CCDC50: variants seen among roughly 807,000 people sequenced by gnomAD.
CCDC50 encodes coiled-coil domain containing 50.
Under a neutral mutation model 70.2 loss-of-function variants are expected in CCDC50, and 54 were observed. The observed-to-expected ratio is 0.77, with a 90% confidence interval of 0.62 to 0.96. CCDC50 has a LOEUF of 0.96. CCDC50 is among the 50% of genes least tolerant of loss of function. CCDC50 has a pLI of 0.00. For missense variants in CCDC50, 558 were observed against 578.7 expected (o/e 0.96, Z 0.37); for synonymous variants, 216 against 198.8 (o/e 1.09, Z -0.73).
intron 1 of CCDC50, among the ~76,000 whole-genome samples, chr3:191,334,395 T>G (rs770900550): frequency 4.6e-5 from 7 of 152,164 alleles, no homozygotes; most frequent in African/African-American, 7.2e-5. Context: ...AAATATATAT[T>G]TTTTAAACAG....
At chr3:191,367,918 A>G (rs116555060) in intron 4 of CCDC50, among the ~76,000 whole-genome samples, 1,770 of 152,194 alleles carry the variant, frequency 0.012, 19 homozygotes, top group Middle Eastern at 0.034. Context: ...AGAATAGGCT[A>G]TCTGTCCCGT....
chr3:191,359,151 G>A (rs1712397829), intron 3 of CCDC50, among the ~76,000 whole-genome samples: 1 of 152,150 alleles, frequency 6.6e-6, no homozygotes, highest in Admixed American at 6.5e-5. Context: ...ACAGAGAATT[G>A]AAATGTAAAT....
rs148831721 is a variant in CCDC50 at position 191,335,602 on chromosome 3, A to G, written c.49+5879A>G. Reference sequence around the variant, plus strand: ...AAAACAATCATTATTTCCTTCTGTCATCATTTCGTTAAAAAAGCATACACA... The same window carrying G: ...AAAACAATCATTATTTCCTTCTGTCGTCATTTCGTTAAAAAAGCATACACA... On this transcript the variant is annotated intron_variant, in intron 1 of 11. Transcript: ENST00000392455. 2.6e-3 allele frequency among the ~76,000 whole-genome samples: 401 copies of G among 152,274 alleles called. 2 individuals are homozygous for G. The highest frequency in any genetic ancestry group is 9.3e-3 in the African/African-American group (386 of 41,558).
intron 5 of CCDC50, among the ~76,000 whole-genome samples, chr3:191,371,967 C>T (rs760631043): frequency 6.6e-6 from 1 of 151,994 alleles, no homozygotes; most frequent in African/African-American, 2.4e-5. Context: ...TCACTGTAAA[C>T]GTTATTATTT....
Position 191,369,947 on chromosome 3 carries a change from A to C in CCDC50, c.359A>C (p.Glu120Ala). 1.2e-6 allele frequency: 2 copies of C among 1,613,232 alleles called. No individual in the cohort carries two copies. The highest frequency in any genetic ancestry group is 1.7e-6 in the Non-Finnish European group (2 of 1,179,394). ...EDIARLLQEK[E>A]LQEEKKRKKH... ...ATAGCTCGCCTTTTGCAAGAAAAGG[A>C]GTTACAGGAAGAGAAAAAGAGAAAG... Residue 120 changes from glutamate (E) to alanine (A), a missense_variant, in exon 5 of 12, where the codon GAG becomes GCG. By Grantham distance (107) the Glu-to-Ala change is moderately radical. Transcript: ENST00000392455.
intron 1 of CCDC50, among the ~76,000 whole-genome samples, chr3:191,349,966 A>ACTCC (rs1712049355): frequency 9.5e-6 from 1 of 105,622 alleles, no homozygotes. Flanking sequence ...ATTTAATAAT[A>ACTCC]CCCCCCCCCT....
Position 191,345,227 on chromosome 3 carries a change from C to G in CCDC50, c.50-11861C>G, listed in dbSNP as rs117964725. ...TTGGGTAGCTTCTGTTTTGTTACTC[C>G]CAGCAAAAAAAGGTTTTGGATTCAA... On this transcript the variant is annotated intron_variant, in intron 1 of 11. Transcript: ENST00000392455. Among the ~76,000 whole-genome samples the G allele has an allele frequency of 7.7e-3, 1,175 of 152,106 alleles. 38 individuals are homozygous for G. The highest frequency in any genetic ancestry group is 0.062 in the East Asian group (320 of 5,178).
intron 4 of CCDC50, among the ~76,000 whole-genome samples, chr3:191,367,609 A>G: frequency 6.6e-6 from 1 of 152,126 alleles, no homozygotes; most frequent in Non-Finnish European, 1.5e-5. Flanking sequence ...AATCAATCTT[A>G]AAGCCAAATG....
chr3:191,331,046 C>G (rs1443328473), intron 1 of CCDC50, among the ~76,000 whole-genome samples: 1 of 152,158 alleles, frequency 6.6e-6, no homozygotes, highest in African/African-American at 2.4e-5. Flanking sequence ...ACTAAGGAGG[C>G]TGAGCGATAG....
At position 191,329,612 on chromosome 3, in the gene CCDC50, C is replaced by T. The variant is rs377067940; in HGVS notation, c.-63C>T. The T allele has an allele frequency of 6.4e-7, 1 of 1,553,988 alleles. No individual in the cohort carries two copies. The highest frequency in any genetic ancestry group is 1.4e-5 in the African/African-American group (1 of 72,718). On this transcript the variant is annotated 5_prime_UTR_variant, in exon 1 of 12. Transcript: ENST00000392455. The stretch of plus-strand genomic sequence containing the variant: ...GGCGCTGCTGCTGCGCTCGGGGCCC[C>T]GCTCGGCGCCGGCGGTGACCGGGAA...
intron 11 of CCDC50, 54 bp from the exon 12 acceptor site, chr3:191,391,687 T>G: frequency 2.0e-6 from 3 of 1,532,530 alleles, no homozygotes; most frequent in Non-Finnish European, 2.7e-6. Flanking sequence ...AAAAGCTGTT[T>G]GAGTTTCAAA....
intron 1 of CCDC50, among the ~76,000 whole-genome samples, chr3:191,351,024 G>T (rs900449517): frequency 7.1e-6 from 1 of 140,152 alleles, no homozygotes; most frequent in Non-Finnish European, 1.6e-5. Flanking sequence ...GTTGGGAGGG[G>T]GCACTTCTCT....
intron 4 of CCDC50, 44 bp downstream of exon 4, chr3:191,361,203 GCT>G: frequency 6.9e-7 from 1 of 1,446,314 alleles, no homozygotes; most frequent in Non-Finnish European, 9.7e-7. Flanking sequence ...AGAAAGGGGT[GCT>G]CAGCTTTAGA....
chr3:191,336,865 T>C (rs1303677250), intron 1 of CCDC50, among the ~76,000 whole-genome samples: 1 of 152,228 alleles, frequency 6.6e-6, no homozygotes, highest in Admixed American at 6.5e-5. Flanking sequence ...AGTAATCCTC[T>C]CTAGTAATTC....
rs1302340444 is a variant in CCDC50 at position 191,380,858 on chromosome 3, A to G, written c.1168A>G (p.Lys390Glu). 2 of 1,613,110 alleles carry G rather than the reference A, an allele frequency of 1.2e-6. No individual in the cohort carries two copies. Among genetic ancestry groups the G allele is most frequent in the African/African-American group, 1.3e-5 (1 of 75,006 alleles). ...CGCTCGACTTCTAATGGCTGAAGAAAAGAAAGCTTACAAAAAAGCCAAGGA... is the reference window on the plus strand; with the variant it reads ...CGCTCGACTTCTAATGGCTGAAGAAGAGAAAGCTTACAAAAAAGCCAAGGA... ...EIARLLMAEE[K>E]KAYKKAKERE... is the part of the protein sequence containing the mutation. Residue 390 changes from lysine (K) to glutamate (E), a missense_variant, in exon 9 of 12, where the codon AAG becomes GAG. Physicochemically the swap from Lys to Glu is moderately conservative, Grantham distance 56. Transcript: ENST00000392455.
intron 1 of CCDC50, among the ~76,000 whole-genome samples, chr3:191,337,428 T>A (rs1343333758): frequency 1.3e-5 from 2 of 152,024 alleles, no homozygotes; most frequent in Admixed American, 6.6e-5. Flanking sequence ...GGTGTCTAGC[T>A]CTGACGCCCA....
At position 191,398,199 on chromosome 3, in the gene CCDC50, C is replaced by T. The variant is rs1274932310; in HGVS notation, c.*6439C>T. 1 of 152,146 alleles carries T rather than the reference C, an allele frequency of 6.6e-6. No homozygotes were observed. The highest frequency in any genetic ancestry group is 1.5e-5 in the Non-Finnish European group (1 of 68,026). 9.4% of individuals were successfully genotyped at this position (152,146 alleles called of 1,614,324 possible). A position where few individuals can be genotyped will look rare whatever the true frequency, so the allele number is the denominator to read the frequency against. On this transcript the variant is annotated 3_prime_UTR_variant, in exon 12 of 12. Transcript: ENST00000392455. ...AAACGCAAACCTCCTTTTTTAAATG[C>T]CAATTGTACATCTACATTAATTCAT...
chr3:191,386,179 G>GT (rs1713487417), intron 10 of CCDC50, among the ~76,000 whole-genome samples: 1 of 147,480 alleles, frequency 6.8e-6, no homozygotes, highest in African/African-American at 2.6e-5. Flanking sequence ...TTGATAAGAA[G>GT]TTGTTGCATC....
chr3:191,361,633 A>G (rs1272643220), intron 4 of CCDC50, among the ~76,000 whole-genome samples: 2 of 152,124 alleles, frequency 1.3e-5, no homozygotes, highest in Non-Finnish European at 2.9e-5. Flanking sequence ...CTCTGTCTGT[A>G]TCTTTGTGTC....
Sources: gnomAD v4.1 joint callset for allele counts (sites outside exome capture counted in the v4.1 genomes callset) on GRCh38, gnomAD v4.1.1 for gene constraint, MANE v1.5 for transcripts, NCBI Gene and HGNC (gene_info 2026-07-23, HGNC 2026-07-21) for gene names.